The following CYFIP1 variants were observed in gnomAD, a reference collection of about 807,000 sequenced individuals.
The protein encoded by CYFIP1 is cytoplasmic FMR1-interacting protein 1.
In CYFIP1, 58 loss-of-function variants were observed where a neutral mutation model predicts 163.5. The observed-to-expected ratio is 0.35, with a 90% CI of 0.29 to 0.44. CYFIP1 has a LOEUF of 0.44. Ranked by LOEUF, CYFIP1 falls within the 20% of genes least tolerant of loss-of-function variation. CYFIP1 has a pLI of 1.00. For missense variants in CYFIP1, 1,338 were observed against 1,653.8 expected, an observed-to-expected ratio of 0.81 and a Z score of 3.31; for synonymous variants, 663 against 660.7, an observed-to-expected ratio of 1.00 and a Z score of -0.05.
At chr15:22,930,699 G>C (rs906441011) in intron 11 of CYFIP1, among the ~76,000 whole-genome samples, 1 of 152,050 alleles carries the variant, frequency 6.6e-6, no homozygotes, top group Non-Finnish European at 1.5e-5. Context: ...AGAATAAGGA[G>C]ATAAAGAAAA....
At chr15:22,884,931 A>C (rs1049926991) in intron 23 of CYFIP1, among the ~76,000 whole-genome samples, 1 of 118,164 alleles carries the variant, frequency 8.5e-6, no homozygotes, top group Non-Finnish European at 1.6e-5. Context: ...GCAGGGATGC[A>C]GGGCACCAAG....
chr15:22,917,817 G>A lies in CYFIP1; in HGVS notation c.1645C>T (p.Arg549Cys), dbSNP rs1227046266. Residue 549 changes from arginine (R) to cysteine (C), a missense_variant, in exon 15 of 31, where the codon CGC becomes TGC. Coordinates refer to ENST00000617928, the MANE Select transcript of CYFIP1 (RefSeq NM_014608.6). This position sits in a 1 kb window ranked among gnomAD's most constrained non-coding sequence, Gnocchi z 4.2. Reference sequence around the variant, plus strand: ...GTGCTGGAGGGTCCCACGGCGCGGCGTGGTACTTTTATGTCGAAGCCGCTC... The same window carrying A: ...GTGCTGGAGGGTCCCACGGCGCGGCATGGTACTTTTATGTCGAAGCCGCTC... ...PKSGFDIKVP[R>C]RAVGPSSTQL... The A allele has an allele frequency of 6.2e-6, 10 of 1,613,246 alleles. No homozygotes were observed. Among genetic ancestry groups the A allele is most frequent in the Non-Finnish European group, 7.6e-6 (9 of 1,179,774 alleles).
chr15:22,975,279 T>C (rs1291775569), intron 1 of CYFIP1, among the ~76,000 whole-genome samples: 1 of 152,012 alleles, frequency 6.6e-6, no homozygotes, highest in African/African-American at 2.4e-5. Context: ...TTGTCCAGCC[T>C]GGCCAACATG....
chr15:22,943,336 A>G lies in CYFIP1; in HGVS notation c.406T>C (p.Phe136Leu). 6.2e-7 allele frequency: 1 copy of G among 1,614,102 alleles called. No individual in the cohort carries two copies. Among genetic ancestry groups the G allele is most frequent in the East Asian group, 2.2e-5 (1 of 44,886 alleles). The part of the protein sequence containing the change: ...MYFQRNAIER[F>L]CGEVRRLCHA... Reference sequence around the variant, plus strand: ...CACAGGCGCCTCACTTCCCCGCAGAAACGCTCAATGGCATTTCTCTGTGCA... The same window carrying G: ...CACAGGCGCCTCACTTCCCCGCAGAGACGCTCAATGGCATTTCTCTGTGCA... The change falls in exon 6 of 31, where the codon TTC becomes CTC. Residue 136 changes from phenylalanine (F) to leucine (L), a missense_variant. This residue lies in a region of CYFIP1 where 186 missense variants were observed against 288.3 expected (regional missense o/e 0.65). Transcript: ENST00000617928.
chr15:22,923,936 T>G (rs1349344025), intron 13 of CYFIP1, among the ~76,000 whole-genome samples: 1 of 100,178 alleles, frequency 1.0e-5, no homozygotes, highest in Non-Finnish European at 1.8e-5. Flanking sequence ...AGTGAGACCT[T>G]GTCTCCAAAA....
rs770237230 is a variant in CYFIP1, at chr15:22,870,138, TCTC to T, written c.3649_3651del (p.Glu1217del). On this transcript the variant is annotated inframe_deletion, in exon 31 of 31. Coordinates refer to ENST00000617928, the MANE Select transcript of CYFIP1 (RefSeq NM_014608.6). ...AGGTACTTATCCAGGATGGTGATGATCTCATCATTGAGAATCTGGAACTTGCGA... is the reference window on the plus strand; with the variant it reads ...AGGTACTTATCCAGGATGGTGATGATATCATTGAGAATCTGGAACTTGCGA... 3 of 1,612,864 alleles carry T rather than the reference TCTC, an allele frequency of 1.9e-6. No homozygotes were observed.
At position 22,932,382 on chromosome 15, in the gene CYFIP1, G is replaced by A. The variant is rs761330060; in HGVS notation, c.993-42C>T. ...CACCCGCGTTACCTGCGGAGGCGCC[G>A]GCAGGCCACAGCACTGGGGCAGCTC... On this transcript the variant is annotated intron_variant, in intron 10 of 30. Coordinates refer to ENST00000617928, the MANE Select transcript of CYFIP1 (RefSeq NM_014608.6). 1.5e-4 allele frequency: 223 copies of A among 1,444,322 alleles called. 1 individual carries two copies. Among genetic ancestry groups the A allele is most frequent in the Non-Finnish European group, 2.0e-4 (211 of 1,068,664 alleles). The allele number at this position is 1,444,322 out of a possible 1,614,324, so 89.5% of individuals were successfully genotyped here. A position where few individuals can be genotyped will look rare whatever the true frequency, so the allele number is the denominator to read the frequency against.
intron 17 of CYFIP1, among the ~76,000 whole-genome samples, chr15:22,913,527 C>CAAAAAAAAAAAAAA (rs35228444): frequency 2.9e-4 from 3 of 10,282 alleles, no homozygotes; most frequent in African/African-American, 3.9e-4. Flanking sequence ...GGCTCTGTCT[C>CAAAAAAAAAAAAAA]AAAAAAAAAA....
At chr15:22,935,227 C>A (rs767440449) in intron 9 of CYFIP1, among the ~76,000 whole-genome samples, 1 of 152,204 alleles carries the variant, frequency 6.6e-6, no homozygotes, top group Non-Finnish European at 1.5e-5. Flanking sequence ...ACAATTAAGG[C>A]AGTGTGGCCC....
intron 6 of CYFIP1, among the ~76,000 whole-genome samples, chr15:22,941,756 C>G (rs923508060): frequency 2.0e-5 from 3 of 152,052 alleles, no homozygotes; most frequent in Non-Finnish European, 4.4e-5. Context: ...GCAGCCCCAT[C>G]TGTAAACTGT....
At chr15:22,879,680 T>C (rs747401760) in intron 26 of CYFIP1, among the ~76,000 whole-genome samples, 2 of 152,064 alleles carry the variant, frequency 1.3e-5, no homozygotes, top group African/African-American at 2.4e-5. Flanking sequence ...AACAGTTTTA[T>C]GACGTTAACA....
At chr15:22,954,253 C>A (rs8041585) in intron 1 of CYFIP1, among the ~76,000 whole-genome samples, 7 of 152,034 alleles carry the variant, frequency 4.6e-5, no homozygotes, top group African/African-American at 1.7e-4. Flanking sequence ...CCCTGCTGGC[C>A]CCCTGATCTC....
At chr15:22,975,441 CAAA>C (rs35556120) in intron 1 of CYFIP1, among the ~76,000 whole-genome samples, 7,177 of 71,134 alleles carry the variant, frequency 0.1, 149 homozygotes, top group East Asian at 0.21. Flanking sequence ...GACTCCGTCT[CAAA>C]AAAAAAAAAA....
chr15:22,936,261 C>A (rs1437814633), intron 9 of CYFIP1, among the ~76,000 whole-genome samples: 1 of 151,828 alleles, frequency 6.6e-6, no homozygotes, highest in Non-Finnish European at 1.5e-5. Context: ...AACAAACAAA[C>A]AAAAAAACTC....
Position 22,910,663 on chromosome 15 carries a change from G to A in CYFIP1, c.2160-35C>T, listed in dbSNP as rs752775944. ...AAGGAAGACAGAAAGTTTTTCATAC[G>A]CCATAAATTGTAATGGGAATGTCAG... is the stretch of plus-strand genomic sequence containing the variant. On this transcript the variant is annotated intron_variant, in intron 19 of 30. Coordinates refer to ENST00000617928, the MANE Select transcript of CYFIP1 (RefSeq NM_014608.6). 65 of 1,603,550 alleles carry A rather than the reference G, an allele frequency of 4.1e-5. 1 individual carries two copies. Among genetic ancestry groups the A allele is most frequent in the Non-Finnish European group, 5.2e-5 (61 of 1,170,556 alleles).
chr15:22,916,357 T>A, intron 16 of CYFIP1, 120 bp downstream of exon 16: 1 of 748,638 alleles, frequency 1.3e-6, no homozygotes, highest in South Asian at 1.7e-5. Flanking sequence ...GCAGGACGAG[T>A]CACCGTCTGG....
Position 22,912,196 on chromosome 15 carries a change from C to T in CYFIP1, c.2065G>A (p.Asp689Asn). 7 of 1,613,966 alleles carry T rather than the reference C, an allele frequency of 4.3e-6. No homozygotes were observed. Among genetic ancestry groups the T allele is most frequent in the South Asian group, 3.3e-5 (3 of 91,054 alleles). ...GGCCTCACCTCGGCCTCAATTTCGT[C>T]GTACAGGAACTGCTTGTTGAACCTG... ...LTRFNKQFLY[D>N]EIEAEVNLCF... Residue 689 changes from aspartate (D) to asparagine (N), a missense_variant, in exon 18 of 31, where the codon GAC (aspartate) becomes AAC (asparagine). By Grantham distance (23) the Asp-to-Asn change is conservative. Around this residue, in one of 4 missense-constraint regions of CYFIP1, gnomAD observed 824 missense variants for 995.7 expected, o/e 0.83. Transcript: ENST00000617928.
rs1555409978 is a variant in CYFIP1, at chr15:22,921,784, A to AC, written c.1360-2927_1360-2926insG. 8.3e-4 allele frequency among the ~76,000 whole-genome samples: 118 copies of AC among 142,218 alleles called. 4 individuals are homozygous for AC. The highest frequency in any genetic ancestry group is 1.5e-3 in the East Asian group (7 of 4,736). 93.3% of individuals were successfully genotyped at this position (142,218 alleles called of 152,430 possible). A position where few individuals can be genotyped will look rare whatever the true frequency, so the allele number is the denominator to read the frequency against. On this transcript the variant is annotated intron_variant, in intron 13 of 30. Transcript: ENST00000617928. ...TGTCTCAAAAAAAAAAAAAAAAAAA[A>AC]AGAAGCACGAGTTACCAGCATTAAG...
chr15:22,966,992 A>G (rs1016469124), intron 1 of CYFIP1, among the ~76,000 whole-genome samples: 1 of 149,042 alleles, frequency 6.7e-6, no homozygotes, highest in East Asian at 2.0e-4. Context: ...TCCCAAAATC[A>G]CCTCTGCCTT....
Sources: allele counts gnomAD v4.1 joint callset (sites outside exome capture counted in the v4.1 genomes callset), GRCh38; gene constraint gnomAD v4.1.1; regional missense constraint gnomAD v4.1.1; non-coding constraint Gnocchi (gnomAD v3.1); transcripts MANE v1.5; gene names NCBI Gene and HGNC (gene_info 2026-07-23, HGNC 2026-07-21).